Variants in ZAN observed in about 807,000 individuals in gnomAD.
ZAN encodes the protein zonadhesin (gene/pseudogene).
In ZAN, 260 loss-of-function variants were observed where a neutral mutation model predicts 286.2. The observed-to-expected ratio is 0.91, with a 90% confidence interval of 0.82 to 1.01. ZAN has a LOEUF of 1.01. ZAN is among the 50% of genes least tolerant of loss of function. The probability of loss-of-function intolerance (pLI) is 0.00; values close to 1 mark genes in which losing one functional copy is unlikely to be tolerated. For missense variants in ZAN, 3,410 were observed against 3,639.2 expected, an observed-to-expected ratio of 0.94 and a Z score of 1.62; for synonymous variants, 1,368 against 1,417.5, an observed-to-expected ratio of 0.97 and a Z score of 0.79.
In ZAN at chr7:100,765,423, T is replaced by G. The variant is rs749885746; in HGVS notation, c.4339T>G (p.Phe1447Val). The change falls in exon 23 of 48, where the codon TTC becomes GTC. Residue 1447 changes from phenylalanine to valine, a missense_variant. This residue lies in a region of ZAN where 1,042 missense variants were observed against 1,058.0 expected (regional missense o/e 0.98). Coordinates refer to ENST00000613979, the MANE Select transcript of ZAN (RefSeq NM_003386.3). ...ATGCCCTGACACCTGCCATTCAGGA[T>G]TCTCCGGCATGTTCTGCTCAGACCG... is the stretch of plus-strand genomic sequence containing the variant. Reference protein sequence around the residue: ...KPCPDTCHSGFSGMFCSDRCV... With the variant: ...KPCPDTCHSGVSGMFCSDRCV... 5.1e-5 allele frequency: 83 copies of G among 1,613,852 alleles called. No homozygotes were observed. Among genetic ancestry groups the G allele is most frequent in the Admixed American group, 8.3e-5 (5 of 59,982 alleles).
Position 100,767,157 on chromosome 7 carries a change from A to T in ZAN, c.4760A>T (p.Asn1587Ile), listed in dbSNP as rs754496121. The stretch of plus-strand genomic sequence containing the variant: ...AGCTATTTTGTTGTGAGCGCCACCA[A>T]CGAGAACCGCGGGGGGATCCTGGAG... ...QDSYFVVSAT[N>I]ENRGGILEVS... is the part of the protein sequence containing the mutation. Residue 1587 changes from asparagine (N) to isoleucine (I), a missense_variant, in exon 25 of 48, where the codon AAC becomes ATC. Physicochemically the swap from Asn to Ile is moderately radical, Grantham distance 149 (BLOSUM62 -3). Transcript: ENST00000613979. 2 of 1,613,738 alleles carry T rather than the reference A, an allele frequency of 1.2e-6. No individual in the cohort carries two copies. The highest frequency in any genetic ancestry group is 2.2e-5 in the South Asian group (2 of 91,056).
chr7:100,791,402 C>T (rs566474035), intron 40 of ZAN, among the ~76,000 whole-genome samples: 1 of 151,890 alleles, frequency 6.6e-6, no homozygotes, highest in Non-Finnish European at 1.5e-5. Context: ...TCTCCTCCTC[C>T]TCCTCCTTCT....
At chr7:100,774,690 G>T (rs1810626590) in intron 31 of ZAN, among the ~76,000 whole-genome samples, 1 of 151,454 alleles carries the variant, frequency 6.6e-6, no homozygotes, top group African/African-American at 2.4e-5. Flanking sequence ...GTTGAATAGG[G>T]TACTTTATGC....
At chr7:100,768,049 A>G in intron 26 of ZAN, 38 bp downstream of exon 26, 1 of 1,589,104 alleles carries the variant, frequency 6.3e-7, no homozygotes. Context: ...AGCTGGGACA[A>G]TGAGTAGGCG....
intron 34 of ZAN, among the ~76,000 whole-genome samples, chr7:100,777,944 T>C (rs1344020582): frequency 6.6e-6 from 1 of 152,092 alleles, no homozygotes; most frequent in Admixed American, 6.6e-5. Flanking sequence ...GTGTAATTGA[T>C]CCATCTCAAG....
chr7:100,767,677 C>G (rs965938077), intron 25 of ZAN, among the ~76,000 whole-genome samples, 154 bp from the exon 26 acceptor site: 19 of 151,616 alleles, frequency 1.3e-4, no homozygotes, highest in Admixed American at 3.3e-4. Flanking sequence ...CGGGCTTTCT[C>G]CATGTTGCCC....
Position 100,791,100 on chromosome 7 carries a change from C to T in ZAN, c.7516C>T (p.Leu2506=), listed in dbSNP as rs773673090. 1.9e-6 allele frequency: 3 copies of T among 1,611,788 alleles called. No individual in the cohort carries two copies. Among genetic ancestry groups the T allele is most frequent in the Non-Finnish European group, 2.5e-6 (3 of 1,179,496 alleles). ...GGAGGTGAAGACCGAGGACGCACTC[C>T]TGCGCTTCCCCAGGTGCACGGCCTG... is the stretch of plus-strand genomic sequence containing the variant. ...SWEVKTEDAL[L]RFPRAIPAEE... Residue 2506 remains leucine (L), a synonymous_variant, in exon 40 of 48, where the codon CTG becomes TTG. Coordinates refer to ENST00000613979, the MANE Select transcript of ZAN (RefSeq NM_003386.3).
intron 7 of ZAN, among the ~76,000 whole-genome samples, chr7:100,745,357 C>T (rs1808125792): frequency 6.6e-6 from 1 of 151,752 alleles, no homozygotes; most frequent in African/African-American, 2.4e-5. Context: ...AGGCAAGACT[C>T]CCTTGGACTC....
chr7:100,793,150 G>A (rs1812113398), intron 42 of ZAN, among the ~76,000 whole-genome samples: 1 of 151,682 alleles, frequency 6.6e-6, no homozygotes, highest in Non-Finnish European at 1.5e-5. Context: ...ACCGGCCTGG[G>A]GAACCAGTGA....
Position 100,766,679 on chromosome 7 carries a change from G to A in ZAN, c.4612+13G>A. The A allele has an allele frequency of 6.4e-7, 1 of 1,562,642 alleles. No individual in the cohort carries two copies. Among genetic ancestry groups the A allele is most frequent in the Middle Eastern group, 1.7e-4 (1 of 5,982 alleles). ...TGCCATGCCCAAGGTGAGCCATCAG[G>A]GTGGAAGGTGAGCTGGGGGCTGCCC... On this transcript the variant is annotated intron_variant, in intron 24 of 47. Coordinates refer to ENST00000613979, the MANE Select transcript of ZAN (RefSeq NM_003386.3).
chr7:100,736,367 C>G, intron 3 of ZAN, 116 bp from the exon 4 acceptor site: 1 of 1,211,714 alleles, frequency 8.3e-7, no homozygotes, highest in Non-Finnish European at 1.2e-6. Context: ...CCACACCCGG[C>G]TGATTTCATG....
chr7:100,744,027 T>C (rs1330109691), intron 7 of ZAN, among the ~76,000 whole-genome samples: 1 of 150,848 alleles, frequency 6.6e-6, no homozygotes, highest in African/African-American at 2.5e-5. Flanking sequence ...TATATCTCTT[T>C]GTTCTTCTTT....
rs756281781 is a variant in ZAN, at chr7:100,763,781, G to A, written c.3987-25G>A. 3 of 1,609,602 alleles carry A rather than the reference G, an allele frequency of 1.9e-6. No homozygotes were observed. In the Admixed American group the frequency reaches 5.0e-5, roughly 27 times the overall value. ...AGCTGGAAGCGAGCTTTGTCTTTAG[G>A]GAGTTTGGGGTGGGTCTCTTGCAGG... On this transcript the variant is annotated intron_variant, in intron 20 of 47. Coordinates refer to ENST00000613979, the MANE Select transcript of ZAN (RefSeq NM_003386.3). The surrounding 1 kb of genome is among the most constrained non-coding windows in gnomAD (Gnocchi z 4.6).
In ZAN at chr7:100,766,607, G is replaced by A. The variant is rs904469166; in HGVS notation, c.4553G>A (p.Arg1518Lys). 7.1e-6 allele frequency: 11 copies of A among 1,557,332 alleles called. No individual in the cohort carries two copies. In the South Asian group the frequency reaches 1.3e-4, roughly 18 times the overall value. ...SNNRIRCQPWRCRAQEFCGQQ... is the reference protein window; with the variant it reads ...SNNRIRCQPWKCRAQEFCGQQ... Reference sequence around the variant, plus strand: ...AACAGAATTCGCTGCCAGCCCTGGAGGTGTAGGGCCCAGGAGTTCTGTGGC... The same window carrying A: ...AACAGAATTCGCTGCCAGCCCTGGAAGTGTAGGGCCCAGGAGTTCTGTGGC... The change falls in exon 24 of 48, where the codon AGG becomes AAG. Residue 1518 changes from arginine to lysine, a missense_variant. Transcript: ENST00000613979.
rs761831832 is a variant in ZAN at position 100,735,816 on chromosome 7, C to T, written c.106+44C>T. The T allele has an allele frequency of 1.9e-5, 26 of 1,371,930 alleles. 3 individuals are homozygous for T. Among genetic ancestry groups the T allele is most frequent in the Non-Finnish European group, 2.2e-5 (22 of 993,496 alleles). 85.0% of individuals were successfully genotyped at this position (1,371,930 alleles called of 1,614,324 possible). A position where few individuals can be genotyped will look rare whatever the true frequency, so the allele number is the denominator to read the frequency against. Reference sequence around the variant, plus strand: ...GTGCTAAGATTTCTCCTCCCTCCTCCGAACCCACATTCTGCCACCAGAATG... The same window carrying T: ...GTGCTAAGATTTCTCCTCCCTCCTCTGAACCCACATTCTGCCACCAGAATG... On this transcript the variant is annotated intron_variant, in intron 3 of 47. Transcript: ENST00000613979.
intron 35 of ZAN, among the ~76,000 whole-genome samples, chr7:100,781,556 C>CT (rs1276313258): frequency 6.6e-6 from 1 of 150,402 alleles, no homozygotes; most frequent in East Asian, 1.9e-4. Flanking sequence ...TGCCCCACAG[C>CT]TGCTGGGCAT....
At chr7:100,772,585 G>A (rs1810446102) in intron 29 of ZAN, among the ~76,000 whole-genome samples, 1 of 151,962 alleles carries the variant, frequency 6.6e-6, no homozygotes, top group Non-Finnish European at 1.5e-5. Context: ...ACTTTGGGAG[G>A]CCGAGGCAGG....
At chr7:100,759,596 C>T (rs1035076575) in intron 17 of ZAN, 125 bp from the exon 18 acceptor site, 3 of 1,287,840 alleles carry the variant, frequency 2.3e-6, no homozygotes, top group African/African-American at 1.5e-5. Flanking sequence ...GCCTCCCCTA[C>T]TGGACTTTGG....
In ZAN at chr7:100,752,181, C is replaced by T. The variant is rs989108031; in HGVS notation, c.2076C>T (p.Pro692=). 5.6e-6 allele frequency: 9 copies of T among 1,612,790 alleles called. No homozygotes were observed. The highest frequency in any genetic ancestry group is 1.7e-5 in the Admixed American group (1 of 59,868). ...PSIPTEKPSI[P]TEKPTISMEE... is the part of the protein sequence containing the mutation. ...TCCCTACAGAAAAACCCAGCATCCC[C>T]ACGGAAAAACCCACCATCTCCATGG... The change falls in exon 14 of 48, where the codon CCC becomes CCT. Residue 692 remains proline, a synonymous_variant. Coordinates refer to ENST00000613979, the MANE Select transcript of ZAN (RefSeq NM_003386.3).
Sources: allele counts gnomAD v4.1 joint callset (sites outside exome capture counted in the v4.1 genomes callset), GRCh38; gene constraint gnomAD v4.1.1; regional missense constraint gnomAD v4.1.1; non-coding constraint Gnocchi (gnomAD v3.1); transcripts MANE v1.5; gene names NCBI Gene and HGNC (gene_info 2026-07-23, HGNC 2026-07-21).